The following PACRG variants were observed in gnomAD, a reference collection of about 807,000 sequenced individuals.
PACRG encodes the protein parkin coregulated.
PACRG carries 29 observed loss-of-function variants against 29.7 expected under a neutral mutation model. The ratio of observed to expected loss-of-function variants is 0.98; its 90% CI spans 0.73 to 1.33. The LOEUF (loss-of-function observed/expected upper bound fraction) is 1.33, where lower values mean the gene tolerates loss of function less well. Among genes scored for constraint, PACRG ranks in the 40% most tolerant of loss-of-function variants. The pLI is 0.00. For missense variants in PACRG, 279 were observed against 316.2 expected, an observed-to-expected ratio of 0.88 and a Z score of 0.89; for synonymous variants, 116 against 118.7, an observed-to-expected ratio of 0.98 and a Z score of 0.15.
At chr6:162,935,564 A>G (rs1028349548) in intron 2 of PACRG, among the ~76,000 whole-genome samples, 1 of 150,592 alleles carries the variant, frequency 6.6e-6, no homozygotes, top group Non-Finnish European at 1.5e-5. Context: ...TTTATATGCT[A>G]TTTCTTTTTT....
At chr6:162,979,956 G>A (rs886735914) in intron 2 of PACRG, among the ~76,000 whole-genome samples, 2 of 152,022 alleles carry the variant, frequency 1.3e-5, no homozygotes, top group African/African-American at 4.8e-5. Flanking sequence ...GAAAAAAAAT[G>A]AAACTTAGAA....
intron 4 of PACRG, among the ~76,000 whole-genome samples, chr6:163,270,620 C>A (rs1379254704): frequency 6.6e-6 from 1 of 152,122 alleles, no homozygotes; most frequent in Non-Finnish European, 1.5e-5. Flanking sequence ...GCAGTCCTCC[C>A]TCCTTGCCTC....
Position 162,929,313 on chromosome 6 carries a change from G to T in PACRG, c.291+115032G>T, listed in dbSNP as rs1797676950. Among the ~76,000 whole-genome samples the T allele has an allele frequency of 2.6e-5, 4 of 151,916 alleles. 1 individual carries two copies. The highest frequency in any genetic ancestry group is 9.7e-5 in the African/African-American group (4 of 41,380). On this transcript the variant is annotated intron_variant, in intron 2 of 4. Coordinates refer to ENST00000366888, the MANE Select transcript of PACRG (RefSeq NM_001080379.2). ...TTTTGGTAAAAGGCATTTAACTGGGGTAAGATGTTTCATTGTGGTTTGAAT... is the reference window on the plus strand; with the variant it reads ...TTTTGGTAAAAGGCATTTAACTGGGTTAAGATGTTTCATTGTGGTTTGAAT...
chr6:163,179,531 C>T (rs1207234009), intron 4 of PACRG: 1 of 234,450 alleles, frequency 4.3e-6, no homozygotes, highest in Non-Finnish European at 8.6e-6. Context: ...TGGTGAAACC[C>T]TGTCTCTATA....
intron 4 of PACRG, among the ~76,000 whole-genome samples, chr6:163,276,983 A>G (rs1784050092): frequency 6.6e-6 from 1 of 152,242 alleles, no homozygotes. Context: ...AAATATTTTC[A>G]TATTCGTTCT....
intron 4 of PACRG, among the ~76,000 whole-genome samples, chr6:163,296,544 C>T (rs1784784651): frequency 6.6e-6 from 1 of 152,186 alleles, no homozygotes; most frequent in African/African-American, 2.4e-5. Context: ...CCACTCACCT[C>T]GGCCTCCAAA....
intron 4 of PACRG, among the ~76,000 whole-genome samples, chr6:163,292,683 C>T (rs1318327632): frequency 6.6e-6 from 1 of 152,084 alleles, no homozygotes; most frequent in South Asian, 2.1e-4. Context: ...CTTGGCCTCC[C>T]AGAGTGCTGG....
chr6:162,960,394 G>A (rs909308268), intron 2 of PACRG, among the ~76,000 whole-genome samples: 2 of 152,168 alleles, frequency 1.3e-5, no homozygotes, highest in Admixed American at 6.5e-5. Flanking sequence ...AGAAAATGTG[G>A]TACATATACA....
chr6:163,152,626 T>C (rs1018070723), intron 4 of PACRG, among the ~76,000 whole-genome samples: 6 of 152,216 alleles, frequency 3.9e-5, no homozygotes, highest in African/African-American at 1.4e-4. Context: ...TCCTAACTTA[T>C]CATTGCATCT....
At chr6:163,213,058 A>C (rs549091377) in intron 4 of PACRG, among the ~76,000 whole-genome samples, 2 of 152,198 alleles carry the variant, frequency 1.3e-5, no homozygotes, top group Non-Finnish European at 2.9e-5. Context: ...GATTACAGGC[A>C]TGAGCCACCA....
intron 4 of PACRG, among the ~76,000 whole-genome samples, chr6:163,138,629 G>T (rs1281728639): frequency 6.6e-6 from 1 of 152,172 alleles, no homozygotes; most frequent in African/African-American, 2.4e-5. Flanking sequence ...GACCTGACAG[G>T]AGGCGGAGCT....
At chr6:163,301,853 G>A (rs1427332329) in intron 4 of PACRG, among the ~76,000 whole-genome samples, 2 of 152,182 alleles carry the variant, frequency 1.3e-5, no homozygotes, top group Non-Finnish European at 2.9e-5. Flanking sequence ...CCTGGAACCT[G>A]TCCTTACAGA....
intron 1 of PACRG, among the ~76,000 whole-genome samples, chr6:162,803,132 CCACTT>C (rs1257326231): frequency 2.6e-5 from 4 of 152,230 alleles, no homozygotes; most frequent in East Asian, 3.9e-4. Flanking sequence ...GGATCAAACC[CCACTT>C]CACAGTAGGG....
At chr6:163,071,471 T>C (rs1812046183) in intron 3 of PACRG, among the ~76,000 whole-genome samples, 2 of 151,920 alleles carry the variant, frequency 1.3e-5, no homozygotes, top group African/African-American at 4.8e-5. Flanking sequence ...AAGAAGGAAA[T>C]TGAAAATTTT....
At chr6:162,838,591 CA>C (rs983517542) in intron 2 of PACRG, among the ~76,000 whole-genome samples, 5 of 151,770 alleles carry the variant, frequency 3.3e-5, no homozygotes, top group Non-Finnish European at 7.4e-5. Flanking sequence ...TTATTAACAT[CA>C]TTTTTTTTTA....
At chr6:163,080,538 G>C (rs1436638648) in intron 3 of PACRG, among the ~76,000 whole-genome samples, 1 of 152,180 alleles carries the variant, frequency 6.6e-6, no homozygotes, top group Admixed American at 6.5e-5. Flanking sequence ...CTGGAATATG[G>C]GGAGTGTCAA....
intron 2 of PACRG, among the ~76,000 whole-genome samples, chr6:163,025,730 G>A (rs897533282): frequency 2.0e-5 from 3 of 152,212 alleles, no homozygotes; most frequent in African/African-American, 7.2e-5. Context: ...AGGTGCTGAG[G>A]GGCTGTGGTT....
chr6:163,079,013 C>T (rs1400534811), intron 3 of PACRG, among the ~76,000 whole-genome samples: 1 of 151,924 alleles, frequency 6.6e-6, no homozygotes, highest in African/African-American at 2.4e-5. Context: ...TGAGTGCAGA[C>T]CGGATCCCAG....
chr6:162,762,559 T>C (rs1176507524), intron 1 of PACRG, among the ~76,000 whole-genome samples: 1 of 152,164 alleles, frequency 6.6e-6, no homozygotes, highest in African/African-American at 2.4e-5. Flanking sequence ...AGGCCAGAAG[T>C]GTATAGGGAT....
Sources: gnomAD v4.1 joint callset for allele counts (sites outside exome capture counted in the v4.1 genomes callset) on GRCh38, gnomAD v4.1.1 for gene constraint, MANE v1.5 for transcripts, NCBI Gene and HGNC (gene_info 2026-07-23, HGNC 2026-07-21) for gene names.